Variants in SCHIP1 observed in about 807,000 individuals in gnomAD.
SCHIP1 encodes the protein schwannomin interacting protein 1.
SCHIP1 carries 8 observed loss-of-function variants against 29.7 expected under a neutral mutation model. The ratio of observed to expected loss-of-function variants is 0.27; its 90% CI spans 0.16 to 0.49. SCHIP1 has a LOEUF of 0.49. Ranked by LOEUF, SCHIP1 falls within the 20% of genes least tolerant of loss-of-function variation. SCHIP1 has a pLI of 0.99. For missense variants in SCHIP1, 193 were observed against 294.6 expected, an observed-to-expected ratio of 0.66 and a Z score of 2.52; for synonymous variants, 76 against 94.9, an observed-to-expected ratio of 0.80 and a Z score of 1.16.
At chr3:159,895,592 C>T (rs988958657) in intron 6 of SCHIP1, among the ~76,000 whole-genome samples, 1 of 152,160 alleles carries the variant, frequency 6.6e-6, no homozygotes, top group African/African-American at 2.4e-5. Flanking sequence ...ACTCCTCCCC[C>T]TCTGCCCCAC....
chr3:159,580,474 G>A, the SCHIP1 span, among the ~76,000 whole-genome samples: 1 of 152,298 alleles, frequency 6.6e-6, no homozygotes, highest in East Asian at 1.9e-4. Flanking sequence ...AAGGCAGACG[G>A]AGAGACGTGG....
chr3:159,686,067 A>G, the SCHIP1 span, among the ~76,000 whole-genome samples: 2 of 152,222 alleles, frequency 1.3e-5, no homozygotes, highest in Non-Finnish European at 2.9e-5. Context: ...AAGGCCCACC[A>G]AAAGTGGAGA....
At chr3:159,726,903 C>T in the SCHIP1 span, among the ~76,000 whole-genome samples, 5 of 152,058 alleles carry the variant, frequency 3.3e-5, no homozygotes, top group African/African-American at 7.2e-5. Context: ...GTTTCTTGAC[C>T]GGAACTTGAG....
At chr3:159,497,222 C>T in the SCHIP1 span, among the ~76,000 whole-genome samples, 1 of 151,722 alleles carries the variant, frequency 6.6e-6, no homozygotes, top group African/African-American at 2.4e-5. Context: ...ATGTTGTGCA[C>T]ATGTACCCTA....
At chr3:159,380,163 T>G in the SCHIP1 span, among the ~76,000 whole-genome samples, 1 of 152,188 alleles carries the variant, frequency 6.6e-6, no homozygotes, top group African/African-American at 2.4e-5. Context: ...TTTGTGAAGT[T>G]CTTTCATTGA....
chr3:159,792,099 A>G, the SCHIP1 span, among the ~76,000 whole-genome samples: 19 of 152,258 alleles, frequency 1.2e-4, no homozygotes, highest in African/African-American at 4.6e-4. Flanking sequence ...TTAGAATTCC[A>G]TGGGCATCTC....
the SCHIP1 span, among the ~76,000 whole-genome samples, chr3:159,629,760 A>G: frequency 6.6e-6 from 1 of 152,224 alleles, no homozygotes; most frequent in Non-Finnish European, 1.5e-5. Flanking sequence ...TTTTAAAAAC[A>G]AATTTCCACA....
At chr3:159,500,981 T>C in the SCHIP1 span, among the ~76,000 whole-genome samples, 1 of 152,204 alleles carries the variant, frequency 6.6e-6, no homozygotes, top group South Asian at 2.1e-4. Context: ...TAAATTGCTT[T>C]AATCAACACA....
At chr3:159,735,673 C>CA in the SCHIP1 span, among the ~76,000 whole-genome samples, 1 of 152,054 alleles carries the variant, frequency 6.6e-6, no homozygotes, top group African/African-American at 2.4e-5. Flanking sequence ...GTGTATGACC[C>CA]AAAAAAATTC....
At chr3:159,607,333 T>G in the SCHIP1 span, among the ~76,000 whole-genome samples, 1 of 152,208 alleles carries the variant, frequency 6.6e-6, no homozygotes, top group African/African-American at 2.4e-5. Flanking sequence ...GGCAGAATTT[T>G]TTTTTGCTTA....
chr3:159,375,221 T>C, the SCHIP1 span, among the ~76,000 whole-genome samples: 43 of 152,236 alleles, frequency 2.8e-4, no homozygotes, highest in African/African-American at 9.6e-4. Context: ...CAGGTGACCA[T>C]CAAGTAAACA....
chr3:159,394,112 G>A, the SCHIP1 span, among the ~76,000 whole-genome samples: 1 of 150,656 alleles, frequency 6.6e-6, no homozygotes, highest in South Asian at 2.1e-4. Flanking sequence ...TTGGCTCTTT[G>A]TTTGTCTGTT....
At chr3:159,550,732 C>T in the SCHIP1 span, among the ~76,000 whole-genome samples, 8 of 151,982 alleles carry the variant, frequency 5.3e-5, no homozygotes, top group African/African-American at 1.9e-4. Flanking sequence ...CAATGGAACT[C>T]AATTCTGTAT....
the SCHIP1 span, among the ~76,000 whole-genome samples, chr3:159,495,854 T>C: frequency 3.3e-5 from 5 of 152,102 alleles, no homozygotes; most frequent in African/African-American, 7.2e-5. Flanking sequence ...CTTCAAACTA[T>C]ACTACAAGGC....
the SCHIP1 span, chr3:159,721,908 G>T: frequency 2.3e-6 from 1 of 432,810 alleles, no homozygotes. Flanking sequence ...TGTCTTCTTT[G>T]CTGAGGAAAC....
chr3:159,424,143 C>T, the SCHIP1 span, among the ~76,000 whole-genome samples: 2 of 151,744 alleles, frequency 1.3e-5, no homozygotes, highest in Admixed American at 1.3e-4. Context: ...CACCTCTCCT[C>T]CTCCAGAGGA....
the SCHIP1 span, among the ~76,000 whole-genome samples, chr3:159,615,893 T>A: frequency 6.6e-6 from 1 of 152,234 alleles, no homozygotes; most frequent in Non-Finnish European, 1.5e-5. Context: ...AACATATTTG[T>A]CTATCCAGAG....
At chr3:159,432,850 C>A in the SCHIP1 span, among the ~76,000 whole-genome samples, 1 of 152,128 alleles carries the variant, frequency 6.6e-6, no homozygotes, top group Non-Finnish European at 1.5e-5. Flanking sequence ...ATGTGTTACT[C>A]CATTTCTTTG....
At chr3:159,769,655 C>A in the SCHIP1 span, among the ~76,000 whole-genome samples, 14 of 152,158 alleles carry the variant, frequency 9.2e-5, no homozygotes, top group Non-Finnish European at 1.8e-4. Flanking sequence ...GAGGCTGAGG[C>A]AGGAGAATCG....
Sources: gnomAD v4.1 joint callset for allele counts (sites outside exome capture counted in the v4.1 genomes callset) on GRCh38, gnomAD v4.1.1 for gene constraint, MANE v1.5 for transcripts, NCBI Gene and HGNC (gene_info 2026-07-23, HGNC 2026-07-21) for gene names.